The following CDH18 variants were observed in gnomAD, a reference collection of about 807,000 sequenced individuals.
CDH18 encodes the protein cadherin 18.
CDH18 carries 31 observed loss-of-function variants against 67.9 expected under a neutral mutation model. The observed-to-expected ratio is 0.46, with a 90% CI of 0.34 to 0.62. CDH18 has a LOEUF of 0.62. Among genes scored for constraint, CDH18 ranks in the 20% least tolerant of loss-of-function variants. CDH18 has a pLI of 0.01. For synonymous variants in CDH18, 362 were observed against 347.2 expected, an observed-to-expected ratio of 1.04 and a Z score of -0.48; for missense variants, 890 against 975.5, an observed-to-expected ratio of 0.91 and a Z score of 1.17.
At chr5:19,861,013 G>C (rs891774647) in intron 2 of CDH18, among the ~76,000 whole-genome samples, 1 of 152,052 alleles carries the variant, frequency 6.6e-6, no homozygotes, top group Non-Finnish European at 1.5e-5. Context: ...ATGAATGCAT[G>C]AGTTGAGATA....
At chr5:20,212,875 T>C (rs1013817167) in intron 2 of CDH18, among the ~76,000 whole-genome samples, 1 of 152,134 alleles carries the variant, frequency 6.6e-6, no homozygotes, top group African/African-American at 2.4e-5. Flanking sequence ...TGGTCTGACC[T>C]ATAAAGACCA....
chr5:19,912,276 T>C (rs1791238179), intron 2 of CDH18, among the ~76,000 whole-genome samples: 1 of 152,118 alleles, frequency 6.6e-6, no homozygotes, highest in African/African-American at 2.4e-5. Context: ...GTGTGTTTCA[T>C]TCACATCACA....
intron 1 of CDH18, among the ~76,000 whole-genome samples, chr5:20,458,296 A>G (rs1376173610): frequency 6.6e-6 from 1 of 152,026 alleles, no homozygotes; most frequent in Non-Finnish European, 1.5e-5. Context: ...GAAGTACCAT[A>G]CTTATATATG....
At chr5:19,982,485 T>C (rs936904572) in intron 1 of CDH18, among the ~76,000 whole-genome samples, 1 of 152,142 alleles carries the variant, frequency 6.6e-6, no homozygotes, top group Non-Finnish European at 1.5e-5. Flanking sequence ...TTAATTGCCA[T>C]ACATTTATCA....
intron 2 of CDH18, among the ~76,000 whole-genome samples, chr5:20,182,448 C>T (rs1360221680): frequency 2.6e-5 from 4 of 151,490 alleles, no homozygotes; most frequent in Non-Finnish European, 5.9e-5. Context: ...ACTAAAAATA[C>T]AAAATTGGCT....
At chr5:20,429,695 A>G (rs1267406035) in intron 1 of CDH18, among the ~76,000 whole-genome samples, 1 of 152,204 alleles carries the variant, frequency 6.6e-6, no homozygotes, top group Non-Finnish European at 1.5e-5. Context: ...TAAGAACTGC[A>G]GTTTGCATAA....
At chr5:19,983,254 C>A (rs1361150834) in intron 1 of CDH18, among the ~76,000 whole-genome samples, 2 of 151,880 alleles carry the variant, frequency 1.3e-5, no homozygotes, top group Admixed American at 6.6e-5. Context: ...TCAGTAATAT[C>A]TAATTGTGCA....
chr5:19,646,423 T>A (rs1339682066), intron 5 of CDH18, among the ~76,000 whole-genome samples: 1 of 151,924 alleles, frequency 6.6e-6, no homozygotes, highest in Non-Finnish European at 1.5e-5. Context: ...CACTGCAACC[T>A]CCACCTCCTG....
chr5:20,331,675 A>G (rs189306206), intron 1 of CDH18, among the ~76,000 whole-genome samples: 1 of 152,246 alleles, frequency 6.6e-6, no homozygotes, highest in Non-Finnish European at 1.5e-5. Context: ...TTGACAAGGT[A>G]ATCTTTGAGA....
Position 20,266,414 on chromosome 5 carries a change from G to T in CDH18, c.-579-10909C>A, listed in dbSNP as rs1190290954. On this transcript the variant is annotated intron_variant, in intron 1 of 14. Transcript: ENST00000507958. ...ATAGCACAAGAAAAAAAGTATGTTT[G>T]TTTGTTTGAGACAGGGTCTCACTCC... Among the ~76,000 whole-genome samples, 3 of 151,794 alleles carry T rather than the reference G, an allele frequency of 2.0e-5. No individual in the cohort carries two copies. The East Asian group carries it at 5.8e-4, about 29-fold the overall frequency.
intron 1 of CDH18, among the ~76,000 whole-genome samples, chr5:20,408,092 A>C (rs1746448547): frequency 6.6e-6 from 1 of 152,092 alleles, no homozygotes; most frequent in Non-Finnish European, 1.5e-5. Flanking sequence ...TTTTTAGGCC[A>C]AAAGGGCCTG....
intron 1 of CDH18, among the ~76,000 whole-genome samples, chr5:20,277,118 C>T (rs146966899): frequency 2.6e-5 from 4 of 152,276 alleles, no homozygotes; most frequent in Non-Finnish European, 4.4e-5. Flanking sequence ...GCTGTCTTTG[C>T]CACCTGCTGT....
At chr5:20,213,140 T>G (rs1740484739) in intron 2 of CDH18, among the ~76,000 whole-genome samples, 1 of 152,144 alleles carries the variant, frequency 6.6e-6, no homozygotes, top group Non-Finnish European at 1.5e-5. Context: ...CTTAAACACT[T>G]GGAGGCCATT....
chr5:19,623,658 T>G (rs1751051297), intron 5 of CDH18, among the ~76,000 whole-genome samples: 3 of 151,994 alleles, frequency 2.0e-5, no homozygotes, highest in Admixed American at 2.0e-4. Context: ...ATTTTTTTAG[T>G]CACAGTTACT....
At chr5:19,735,772 C>G (rs769588201) in intron 4 of CDH18, among the ~76,000 whole-genome samples, 6 of 152,172 alleles carry the variant, frequency 3.9e-5, no homozygotes, top group Non-Finnish European at 8.8e-5. Flanking sequence ...TGCTATTTCT[C>G]TTAAGGAAGG....
intron 1 of CDH18, among the ~76,000 whole-genome samples, chr5:20,291,311 C>G (rs914547681): frequency 6.6e-6 from 1 of 151,998 alleles, no homozygotes; most frequent in Non-Finnish European, 1.5e-5. Flanking sequence ...GAGAAATTGA[C>G]AGCCAGAAAT....
intron 1 of CDH18, among the ~76,000 whole-genome samples, chr5:20,398,747 A>G (rs1562032587): frequency 6.8e-6 from 1 of 148,134 alleles, no homozygotes; most frequent in African/African-American, 2.6e-5. Flanking sequence ...ACGTATACCT[A>G]CATAAAAAAC....
chr5:19,885,569 A>G (rs1337304415), intron 2 of CDH18, among the ~76,000 whole-genome samples: 1 of 152,150 alleles, frequency 6.6e-6, no homozygotes, highest in South Asian at 2.1e-4. Context: ...GGCTTTAGAA[A>G]ACAAGAGTTC....
chr5:20,068,372 A>C (rs1743165896), intron 2 of CDH18, among the ~76,000 whole-genome samples: 1 of 152,132 alleles, frequency 6.6e-6, no homozygotes. Flanking sequence ...GGTTCAAAAT[A>C]TGTGCTAAAA....
Sources: gnomAD v4.1 joint callset for allele counts (sites outside exome capture counted in the v4.1 genomes callset) on GRCh38, gnomAD v4.1.1 for gene constraint, MANE v1.5 for transcripts, NCBI Gene and HGNC (gene_info 2026-07-23, HGNC 2026-07-21) for gene names.